The following NAALADL2 variants were observed in gnomAD, a reference collection of about 807,000 sequenced individuals.
NAALADL2 encodes the protein N-acetylated alpha-linked acidic dipeptidase like 2.
A neutral mutation model predicts 87.2 loss-of-function variants in NAALADL2; 76 were observed. The observed-to-expected ratio is 0.87, with a 90% CI of 0.72 to 1.05. The LOEUF (loss-of-function observed/expected upper bound fraction) is 1.05. NAALADL2 is among the 50% of genes least tolerant of loss of function. The pLI is 0.00. For missense variants in NAALADL2, 1,089 were observed against 945.8 expected (o/e 1.15, Z -1.99); for synonymous variants, 354 against 331.0 (o/e 1.07, Z -0.75).
At chr3:175,737,224 A>G in intron 11 of NAALADL2, 82 bp from the exon 12 acceptor site, 1 of 823,860 alleles carries the variant, frequency 1.2e-6, no homozygotes, top group Non-Finnish European at 2.1e-6. Context: ...ATGTATAAAA[A>G]TATCTGAAAT....
intron 11 of NAALADL2, among the ~76,000 whole-genome samples, chr3:175,666,930 T>C (rs978321361): frequency 6.6e-6 from 1 of 152,158 alleles, no homozygotes; most frequent in Non-Finnish European, 1.5e-5. Flanking sequence ...AATCTACTTC[T>C]TCCTGGGATA....
At chr3:175,652,289 G>C (rs56937982) in intron 11 of NAALADL2, among the ~76,000 whole-genome samples, 4,238 of 152,090 alleles carry the variant, frequency 0.028, 200 homozygotes, top group African/African-American at 0.096. Context: ...CAGATGCCAG[G>C]ATGAATGAAA....
intron 2 of NAALADL2, among the ~76,000 whole-genome samples, chr3:175,140,922 G>A (rs1298453596): frequency 6.6e-6 from 1 of 152,110 alleles, no homozygotes; most frequent in African/African-American, 2.4e-5. Flanking sequence ...AGATGGGGCA[G>A]AAAGGGGGCA....
At chr3:175,576,708 CT>C (rs1460105136) in intron 10 of NAALADL2, among the ~76,000 whole-genome samples, 3 of 152,192 alleles carry the variant, frequency 2.0e-5, no homozygotes, top group African/African-American at 7.2e-5. Context: ...AATTAAGTCT[CT>C]GTTCATCCAT....
At chr3:175,032,516 C>T (rs909020030) in intron 1 of NAALADL2, among the ~76,000 whole-genome samples, 1 of 151,952 alleles carries the variant, frequency 6.6e-6, no homozygotes, top group African/African-American at 2.4e-5. Context: ...CAAGCATTAC[C>T]TATATAGAAC....
chr3:175,555,871 C>A (rs150751232), intron 9 of NAALADL2, among the ~76,000 whole-genome samples: 1 of 152,230 alleles, frequency 6.6e-6, no homozygotes, highest in Non-Finnish European at 1.5e-5. Context: ...GGATTCTTAG[C>A]GGAAAATTTT....
At chr3:175,457,171 C>T (rs553465570) in intron 6 of NAALADL2, among the ~76,000 whole-genome samples, 2 of 152,116 alleles carry the variant, frequency 1.3e-5, no homozygotes, top group South Asian at 2.1e-4. Context: ...GGGCTATTCA[C>T]CCTACATCAA....
intron 5 of NAALADL2, among the ~76,000 whole-genome samples, chr3:175,359,950 C>T (rs188086978): frequency 2.2e-4 from 34 of 152,162 alleles, no homozygotes; most frequent in Admixed American, 2.0e-3. Flanking sequence ...GTTTTTTTAA[C>T]TGTATCTTTT....
chr3:175,069,048 A>C (rs1024846677), intron 1 of NAALADL2, among the ~76,000 whole-genome samples: 12 of 151,940 alleles, frequency 7.9e-5, no homozygotes, highest in Non-Finnish European at 1.5e-4. Flanking sequence ...GACCTAAAAC[A>C]ATAAAAACCC....
chr3:174,551,252 C>G (rs1712095286), intron 2 of NAALADL2: 1 of 152,052 alleles, frequency 6.6e-6, no homozygotes, highest in Non-Finnish European at 1.5e-5. Context: ...TCTGTTGGTG[C>G]TTTATTTGAT....
At chr3:175,265,941 A>G (rs1751857632) in intron 4 of NAALADL2, among the ~76,000 whole-genome samples, 1 of 148,332 alleles carries the variant, frequency 6.7e-6, no homozygotes, top group Non-Finnish European at 1.5e-5. Context: ...AACTGAAAAT[A>G]TATATTTGCT....
chr3:175,535,568 G>C (rs560341642), intron 9 of NAALADL2, among the ~76,000 whole-genome samples: 1 of 152,280 alleles, frequency 6.6e-6, no homozygotes, highest in South Asian at 2.1e-4. Context: ...CAAATTTCTA[G>C]TGACTTGCCA....
At chr3:175,258,313 G>GC (rs762007863) in intron 4 of NAALADL2, among the ~76,000 whole-genome samples, 2,110 of 102,980 alleles carry the variant, frequency 0.02, 45 homozygotes, top group Non-Finnish European at 0.028. Flanking sequence ...CCGTCCCTCC[G>GC]CCCCCACCAC....
chr3:175,520,849 G>A (rs1472762798), intron 9 of NAALADL2, among the ~76,000 whole-genome samples: 3 of 152,118 alleles, frequency 2.0e-5, no homozygotes, highest in African/African-American at 7.2e-5. Flanking sequence ...GCCAAGAAGA[G>A]TGAAAAATCC....
intron 5 of NAALADL2, among the ~76,000 whole-genome samples, chr3:175,337,465 A>G (rs1762106161): frequency 6.6e-6 from 1 of 152,306 alleles, no homozygotes; most frequent in African/African-American, 2.4e-5. Context: ...GCATTTCCCA[A>G]TCAACCATGA....
chr3:175,799,535 A>G (rs1283363345), intron 13 of NAALADL2, among the ~76,000 whole-genome samples: 1 of 152,094 alleles, frequency 6.6e-6, no homozygotes, highest in African/African-American at 2.4e-5. Flanking sequence ...AATGACAAGA[A>G]AGCTTATGTT....
intron 1 of NAALADL2, among the ~76,000 whole-genome samples, chr3:175,040,245 C>A (rs551960027): frequency 6.6e-6 from 1 of 152,248 alleles, no homozygotes; most frequent in East Asian, 1.9e-4. Flanking sequence ...AAACACCCAA[C>A]CTCAGAAATC....
chr3:175,744,721 G>C (rs933227131), intron 12 of NAALADL2, among the ~76,000 whole-genome samples: 8 of 152,048 alleles, frequency 5.3e-5, no homozygotes, highest in Non-Finnish European at 1.0e-4. Context: ...TCTAAAAATG[G>C]AATACAGTAA....
chr3:174,814,777 C>T (rs1720608104), intron 3 of NAALADL2, among the ~76,000 whole-genome samples: 1 of 152,132 alleles, frequency 6.6e-6, no homozygotes, highest in African/African-American at 2.4e-5. Context: ...ACCACATGGC[C>T]TTCCATATAG....
Sources: gnomAD v4.1 joint callset for allele counts (sites outside exome capture counted in the v4.1 genomes callset) on GRCh38, gnomAD v4.1.1 for gene constraint, MANE v1.5 for transcripts, NCBI Gene and HGNC (gene_info 2026-07-23, HGNC 2026-07-21) for gene names.